Variants in TEX11 observed in about 807,000 individuals in gnomAD.
The protein encoded by TEX11 is testis-expressed protein 11.
TEX11 carries 7 observed loss-of-function variants against 84.4 expected under a neutral mutation model. The observed-to-expected ratio is 0.08, with a 90% CI of 0.05 to 0.16. The LOEUF (loss-of-function observed/expected upper bound fraction) is 0.16. Among genes scored for constraint, TEX11 ranks in the 10% least tolerant of loss-of-function variants. The pLI is 1.00. For missense variants in TEX11, 551 were observed against 660.5 expected (o/e 0.83, Z 1.82); for synonymous variants, 264 against 222.8 (o/e 1.18, Z -1.64).
chrX:70,830,215 T>C (rs905579480), intron 8 of TEX11, among the ~76,000 whole-genome samples: 1 of 111,836 alleles, frequency 8.9e-6, no homozygotes, highest in African/African-American at 3.2e-5. Context: ...CAGGAGTACC[T>C]ATACTTATAT....
chrX:70,759,755 T>C (rs2090895668), intron 9 of TEX11, among the ~76,000 whole-genome samples: 1 of 111,618 alleles, frequency 9.0e-6, no homozygotes, highest in African/African-American at 3.3e-5. Flanking sequence ...TGTTGGAAGT[T>C]CTGGCCAGGA....
intron 10 of TEX11, among the ~76,000 whole-genome samples, chrX:70,742,836 A>G (rs2090742553): frequency 9.0e-6 from 1 of 111,030 alleles, no homozygotes; most frequent in Admixed American, 9.6e-5. Flanking sequence ...GGTTTCATGC[A>G]ATCCTCCTGG....
chrX:70,889,727 T>A (rs1163166715), intron 2 of TEX11, among the ~76,000 whole-genome samples: 1 of 111,634 alleles, frequency 9.0e-6, no homozygotes, highest in East Asian at 2.8e-4. Flanking sequence ...CAAGTTAAAA[T>A]AATGGGTTAT....
chrX:70,834,486 T>C (rs2091394239), intron 7 of TEX11, among the ~76,000 whole-genome samples: 1 of 111,500 alleles, frequency 9.0e-6, no homozygotes, highest in African/African-American at 3.3e-5. Flanking sequence ...CCAGGAGCAG[T>C]GGCTCACGCC....
At chrX:70,857,535 G>A in intron 5 of TEX11, 1 of 257,296 alleles carries the variant, frequency 3.9e-6, no homozygotes, top group Non-Finnish European at 7.4e-6. Context: ...TTAAGTATCA[G>A]CAGGAAATAT....
chrX:70,847,458 C>A (rs1191113002), intron 7 of TEX11, among the ~76,000 whole-genome samples: 1 of 111,632 alleles, frequency 9.0e-6, no homozygotes, highest in Non-Finnish European at 1.9e-5. Context: ...TTTCTCCAAA[C>A]TCTCTTCTCG....
chrX:70,744,457 A>T (rs2090755647), intron 9 of TEX11, among the ~76,000 whole-genome samples: 1 of 108,443 alleles, frequency 9.2e-6, no homozygotes, highest in African/African-American at 3.3e-5. Context: ...TCAACACTAC[A>T]ATTATATTGA....
chrX:70,588,816 C>T (rs769985864), intron 25 of TEX11, among the ~76,000 whole-genome samples: 1 of 109,724 alleles, frequency 9.1e-6, no homozygotes, highest in Non-Finnish European at 1.9e-5. Flanking sequence ...CACCTGTAAT[C>T]ACAGCACTTA....
At chrX:70,765,486 C>G (rs779066501) in intron 9 of TEX11, among the ~76,000 whole-genome samples, 20 of 111,810 alleles carry the variant, frequency 1.8e-4, no homozygotes, top group Non-Finnish European at 3.8e-5. Context: ...TCAACATATA[C>G]AAATCAATCA....
At chrX:70,623,838 A>C (rs1569362033) in intron 20 of TEX11, 112 bp downstream of exon 20, 1 of 600,397 alleles carries the variant, frequency 1.7e-6, no homozygotes. Context: ...TGGCCCCAAA[A>C]CCTGTATTGA....
At chrX:70,686,375 A>G (rs1054566518) in intron 13 of TEX11, among the ~76,000 whole-genome samples, 1 of 111,910 alleles carries the variant, frequency 8.9e-6, no homozygotes. Context: ...GAATGAGATC[A>G]TGTCTTTTGC....
rs1480431199 is a variant in TEX11 at position 70,702,713 on chromosome X, C to T, written c.1005-19888G>A. Reference sequence around the variant, plus strand: ...TACTTCTCTCCTTCTCCCCACCATCCCTAATTCCTGGCAACCATTAATCTG... The same window carrying T: ...TACTTCTCTCCTTCTCCCCACCATCTCTAATTCCTGGCAACCATTAATCTG... On this transcript the variant is annotated intron_variant, in intron 13 of 29. Transcript: ENST00000374333. Among the ~76,000 whole-genome samples, 3 of 111,699 alleles carry T rather than the reference C, an allele frequency of 2.7e-5. No individual in the cohort carries two copies. In the East Asian group the frequency reaches 8.5e-4, roughly 32 times the overall value.
chrX:70,803,991 TG>T (rs1437186343), intron 9 of TEX11, among the ~76,000 whole-genome samples: 7 of 108,474 alleles, frequency 6.5e-5, no homozygotes, highest in East Asian at 2.8e-4. Flanking sequence ...AAAAAAACAA[TG>T]TTTTTTTTTT....
intron 3 of TEX11, among the ~76,000 whole-genome samples, chrX:70,877,484 A>C (rs1297740369): frequency 2.7e-5 from 3 of 111,557 alleles, no homozygotes; most frequent in Non-Finnish European, 5.6e-5. Context: ...TCCTCAAAAA[A>C]TTAAAAACAG....
chrX:70,589,362 G>A lies in TEX11; in HGVS notation c.2140+2389C>T, dbSNP rs750140345. On this transcript the variant is annotated intron_variant, in intron 25 of 29. Transcript: ENST00000374333. ...ATATATATGTATATAGTCTAGCTGT[G>A]TGTATAAAAATATACTTAGACTATA... Among the ~76,000 whole-genome samples, 19 of 109,520 alleles carry A rather than the reference G, an allele frequency of 1.7e-4. 1 individual carries two copies. Among genetic ancestry groups the A allele is most frequent in the Admixed American group, 7.9e-4 (8 of 10,175 alleles).
intron 9 of TEX11, among the ~76,000 whole-genome samples, chrX:70,778,079 A>G (rs2091013362): frequency 1.8e-5 from 2 of 112,012 alleles, no homozygotes; most frequent in Admixed American, 1.9e-4. Flanking sequence ...AGCAACCAAA[A>G]GAGAGCAGGG....
intron 2 of TEX11, among the ~76,000 whole-genome samples, chrX:70,890,324 A>G (rs1361159554): frequency 9.0e-6 from 1 of 111,655 alleles, no homozygotes; most frequent in East Asian, 2.8e-4. Flanking sequence ...TACCTGGTTC[A>G]TCTCATTGGG....
intron 17 of TEX11, among the ~76,000 whole-genome samples, chrX:70,639,804 C>T (rs897885968): frequency 9.0e-5 from 10 of 111,415 alleles, no homozygotes; most frequent in Admixed American, 2.9e-4. Context: ...GTAGATAAAA[C>T]CACAAAGATG....
intron 14 of TEX11, among the ~76,000 whole-genome samples, chrX:70,681,026 A>G (rs1484344746): frequency 3.5e-5 from 4 of 113,045 alleles, no homozygotes. Context: ...TATTACTTTA[A>G]ATCTTAACTT....
Sources: gnomAD v4.1 joint callset for allele counts (sites outside exome capture counted in the v4.1 genomes callset) on GRCh38, gnomAD v4.1.1 for gene constraint, MANE v1.5 for transcripts, NCBI Gene and HGNC (gene_info 2026-07-23, HGNC 2026-07-21) for gene names.